The following SS18L1 variants were observed in gnomAD, a reference collection of about 807,000 sequenced individuals.
SS18L1 encodes the protein SS18L1 subunit of BAF chromatin remodeling complex.
Under a neutral mutation model 70.3 loss-of-function variants are expected in SS18L1, and 32 were observed. That is an observed-to-expected ratio of 0.46 (90% CI 0.34 to 0.61). SS18L1 has a LOEUF of 0.61. Among genes scored for constraint, SS18L1 ranks in the 20% least tolerant of loss-of-function variants. The pLI, the probability that SS18L1 is intolerant of heterozygous loss-of-function variation, is 0.01. For missense variants in SS18L1, 430 were observed against 542.1 expected, an observed-to-expected ratio of 0.79 and a Z score of 2.05; for synonymous variants, 237 against 229.7, an observed-to-expected ratio of 1.03 and a Z score of -0.29.
chr20:62,176,619 A>G (rs2057624320), intron 10 of SS18L1, among the ~76,000 whole-genome samples: 1 of 152,174 alleles, frequency 6.6e-6, no homozygotes, highest in South Asian at 2.1e-4. Context: ...GTTGGAGAGC[A>G]GCCTGGCCAA....
intron 7 of SS18L1, among the ~76,000 whole-genome samples, chr20:62,164,942 T>C: frequency 6.6e-6 from 1 of 152,128 alleles, no homozygotes; most frequent in Admixed American, 6.5e-5. Context: ...AAAGGCTGGA[T>C]TGATCCCTGG....
chr20:62,175,454 A>G (rs553037974), intron 10 of SS18L1: 1 of 985,164 alleles, frequency 1.0e-6, no homozygotes, highest in Non-Finnish European at 1.2e-6. Flanking sequence ...GCAAGGGAAG[A>G]GGGCGTGCCA....
chr20:62,152,377 G>T, intron 1 of SS18L1, among the ~76,000 whole-genome samples: 2 of 152,202 alleles, frequency 1.3e-5, no homozygotes, highest in Non-Finnish European at 1.5e-5. Context: ...GCCAGCCTCT[G>T]GCTCCTCCAG....
rs1257297680 is a variant in SS18L1, at chr20:62,174,256, G to T, written c.1037-261G>T. On this transcript the variant is annotated intron_variant, in intron 9 of 10. Transcript: ENST00000331758. This position sits in a 1 kb window ranked among gnomAD's most constrained non-coding sequence, Gnocchi z 4.1. ...GAGCCCATCAGCCCTCGCCATGCTG[G>T]TGGGGGGCCTGGGGCACAGTCCTGG... Among the ~76,000 whole-genome samples the T allele has an allele frequency of 1.3e-5, 2 of 152,078 alleles. No individual in the cohort carries two copies. The highest frequency in any genetic ancestry group is 2.9e-5 in the Non-Finnish European group (2 of 68,012).
At chr20:62,166,626 G>A (rs7360817) in intron 8 of SS18L1, among the ~76,000 whole-genome samples, 6,766 of 146,344 alleles carry the variant, frequency 0.046, 535 homozygotes, top group African/African-American at 0.16. Flanking sequence ...CATAATGAAA[G>A]TTTAAAAGAA....
Position 62,174,926 on chromosome 20 carries a change from G to A in SS18L1, c.1164+282G>A, listed in dbSNP as rs554134377. 1.0e-6 allele frequency: 1 copy of A among 984,342 alleles called. No individual in the cohort carries two copies. The highest frequency in any genetic ancestry group is 1.7e-5 in the African/African-American group (1 of 57,346). The allele number at this position is 984,342 out of a possible 1,614,324, so 61.0% of individuals were successfully genotyped here. A position where few individuals can be genotyped will look rare whatever the true frequency, so the allele number is the denominator to read the frequency against. On this transcript the variant is annotated intron_variant, in intron 10 of 10. Coordinates refer to ENST00000331758, the MANE Select transcript of SS18L1 (RefSeq NM_198935.3). This position sits in a 1 kb window ranked among gnomAD's most constrained non-coding sequence, Gnocchi z 4.1. ...CTCTGCCAGTGTTTGTCACGTACTG[G>A]GTACGCGTCCGGTCTCTGCTGAGTG...
rs1347928950 is a variant in SS18L1 at position 62,181,443 on chromosome 20, T to G, written c.*2235T>G. 9.5e-6 allele frequency: 2 copies of G among 209,602 alleles called. No homozygotes were observed. Among genetic ancestry groups the G allele is most frequent in the East Asian group, 1.4e-4 (2 of 13,798 alleles). 13.0% of individuals were successfully genotyped at this position (209,602 alleles called of 1,614,324 possible). A position where few individuals can be genotyped will look rare whatever the true frequency, so the allele number is the denominator to read the frequency against. ...AACTGTGAAGATAGTTTATTTTTAT[T>G]CCTTGCCAATCTGGGAATATGCCTT... On this transcript the variant is annotated 3_prime_UTR_variant, in exon 11 of 11. Transcript: ENST00000331758.
At chr20:62,156,988 CAG>C (rs1213760703) in intron 1 of SS18L1, among the ~76,000 whole-genome samples, 2 of 152,246 alleles carry the variant, frequency 1.3e-5, no homozygotes, top group Admixed American at 1.3e-4. Flanking sequence ...TCCCTGCAGA[CAG>C]AGGCAGCTGG....
intron 8 of SS18L1, among the ~76,000 whole-genome samples, chr20:62,171,645 A>G (rs2057533507): frequency 1.3e-5 from 2 of 152,240 alleles, no homozygotes; most frequent in Admixed American, 6.5e-5. Context: ...AAAAAATACT[A>G]GATTGCAGTT....
chr20:62,150,481 G>T (rs967140784), intron 1 of SS18L1, among the ~76,000 whole-genome samples: 8 of 152,330 alleles, frequency 5.3e-5, no homozygotes, highest in Admixed American at 3.9e-4. Flanking sequence ...TTGATTCTGC[G>T]TCTGTGTCCA....
chr20:62,166,235 G>A (rs977876876), intron 8 of SS18L1, among the ~76,000 whole-genome samples: 6 of 152,222 alleles, frequency 3.9e-5, no homozygotes, highest in East Asian at 1.9e-4. Flanking sequence ...AACCTCGTCC[G>A]GGAGGGAAGG....
chr20:62,174,395 A>T lies in SS18L1; in HGVS notation c.1037-122A>T. On this transcript the variant is annotated intron_variant, in intron 9 of 10. Coordinates refer to ENST00000331758, the MANE Select transcript of SS18L1 (RefSeq NM_198935.3). This position sits in a 1 kb window ranked among gnomAD's most constrained non-coding sequence, Gnocchi z 4.1. ...TGTTCTGGAGATTGACAAAAGGCTG[A>T]TGCATTGAGACGGGAATTTTTCAAG... 6.9e-7 allele frequency: 1 copy of T among 1,450,268 alleles called. No individual in the cohort carries two copies. Among genetic ancestry groups the T allele is most frequent in the Non-Finnish European group, 9.1e-7 (1 of 1,093,680 alleles). The allele number at this position is 1,450,268 out of a possible 1,614,324, so 89.8% of individuals were successfully genotyped here.
At chr20:62,179,151 G>A in intron 10 of SS18L1, 31 bp from the exon 11 acceptor site, 2 of 1,613,674 alleles carry the variant, frequency 1.2e-6, no homozygotes, top group East Asian at 2.2e-5. Flanking sequence ...CATTACTATA[G>A]GGGTGTAATC....
At position 62,172,676 on chromosome 20, in the gene SS18L1, C is replaced by T; in HGVS notation, c.917-6C>T. Reference sequence around the variant, plus strand: ...AAGTCATTTCTGTGTCTCCTCCTCCCTCCAGGAAACTCCCAGTACAGCCAG... The same window carrying T: ...AAGTCATTTCTGTGTCTCCTCCTCCTTCCAGGAAACTCCCAGTACAGCCAG... On this transcript the variant is annotated splice_region_variant and splice_polypyrimidine_tract_variant and intron_variant, in intron 8 of 10. Coordinates refer to ENST00000331758, the MANE Select transcript of SS18L1 (RefSeq NM_198935.3). 1 of 1,614,178 alleles carries T rather than the reference C, an allele frequency of 6.2e-7. No homozygotes were observed. The highest frequency in any genetic ancestry group is 8.5e-7 in the Non-Finnish European group (1 of 1,180,036).
chr20:62,160,049 T>C, intron 3 of SS18L1, 88 bp downstream of exon 3: 1 of 1,362,120 alleles, frequency 7.3e-7, no homozygotes. Context: ...TCATCTCAGG[T>C]AGCAAAGATG....
chr20:62,148,336 C>T (rs1186086691), intron 1 of SS18L1, among the ~76,000 whole-genome samples: 3 of 144,372 alleles, frequency 2.1e-5, no homozygotes, highest in Non-Finnish European at 3.0e-5. Flanking sequence ...GGCTTGGCCT[C>T]CTTGCTCTCT....
In SS18L1 at chr20:62,158,772, A is replaced by T; in HGVS notation, c.146+24A>T. The stretch of plus-strand genomic sequence containing the variant: ...CAGTGAGTGCCCGCCATACACCGGA[A>T]CACTTGGAGGGTGTCATGCAGAGTC... On this transcript the variant is annotated intron_variant, in intron 2 of 10. Coordinates refer to ENST00000331758, the MANE Select transcript of SS18L1 (RefSeq NM_198935.3). This position sits in a 1 kb window ranked among gnomAD's most constrained non-coding sequence, Gnocchi z 4.5. 6.2e-7 allele frequency: 1 copy of T among 1,612,982 alleles called. No homozygotes were observed.
chr20:62,182,301 C>T lies in SS18L1; in HGVS notation c.*3093C>T, dbSNP rs2057725036. On this transcript the variant is annotated 3_prime_UTR_variant, in exon 11 of 11. Transcript: ENST00000331758. Reference sequence around the variant, plus strand: ...CAAAGAAGACGACTGTTTTCCATTTCCATTTAAACATTTTTAGCCACTTCA... The same window carrying T: ...CAAAGAAGACGACTGTTTTCCATTTTCATTTAAACATTTTTAGCCACTTCA... The T allele has an allele frequency of 4.6e-6, 1 of 215,838 alleles. No homozygotes were observed. The highest frequency in any genetic ancestry group is 5.8e-5 in the Admixed American group (1 of 17,140). The allele number at this position is 215,838 out of a possible 1,614,324, so 13.4% of individuals were successfully genotyped here.
At chr20:62,157,954 G>A (rs1307425410) in intron 1 of SS18L1, among the ~76,000 whole-genome samples, 2 of 152,160 alleles carry the variant, frequency 1.3e-5, no homozygotes, top group African/African-American at 2.4e-5. Flanking sequence ...CCCTCACCGC[G>A]GTTGGTGCAG....
Sources: gnomAD v4.1 joint callset for allele counts (sites outside exome capture counted in the v4.1 genomes callset) on GRCh38, gnomAD v4.1.1 for gene constraint, Gnocchi (gnomAD v3.1) non-coding constraint, MANE v1.5 for transcripts, NCBI Gene and HGNC (gene_info 2026-07-23, HGNC 2026-07-21) for gene names.